The following CYP19A1 variants were observed in gnomAD, a reference collection of about 807,000 sequenced individuals.
CYP19A1 encodes aromatase.
CYP19A1 carries 32 observed loss-of-function variants against 44.4 expected under a neutral mutation model. The observed-to-expected ratio is 0.72, with a 90% CI of 0.54 to 0.97. CYP19A1 has a LOEUF of 0.97. Among genes scored for constraint, CYP19A1 ranks in the 50% least tolerant of loss-of-function variants. CYP19A1 has a pLI of 0.00. For synonymous variants in CYP19A1, 212 were observed against 215.6 expected (o/e 0.98, Z 0.14); for missense variants, 598 against 637.8 (o/e 0.94, Z 0.67).
At chr15:51,259,113 A>G (rs1255765014) in intron 1 of CYP19A1, among the ~76,000 whole-genome samples, 4 of 152,204 alleles carry the variant, frequency 2.6e-5, no homozygotes, top group Admixed American at 6.5e-5. Context: ...CATTCAGGAT[A>G]TGATACGTCA....
At chr15:51,260,269 T>C (rs1323151906) in intron 1 of CYP19A1, among the ~76,000 whole-genome samples, 1 of 152,188 alleles carries the variant, frequency 6.6e-6, no homozygotes, top group African/African-American at 2.4e-5. Flanking sequence ...CTTAGTGATG[T>C]TGGGAAATTT....
intron 1 of CYP19A1, among the ~76,000 whole-genome samples, chr15:51,259,559 G>A (rs1027605202): frequency 6.6e-6 from 1 of 152,192 alleles, no homozygotes. Context: ...GAAGGGTCAG[G>A]GGAAGGGAGG....
chr15:51,274,405 G>A lies in CYP19A1; in HGVS notation c.-38-31455C>T, dbSNP rs569189599. 8.9e-4 allele frequency among the ~76,000 whole-genome samples: 136 copies of A among 152,334 alleles called. 1 individual carries two copies. Among genetic ancestry groups the A allele is most frequent in the African/African-American group, 3.2e-3 (131 of 41,580 alleles). Reference sequence around the variant, plus strand: ...CCTGAGTGGGGAGGGAATGGAAAAAGAAATGGGAGGTTGCCTCTTATGCCT... The same window carrying A: ...CCTGAGTGGGGAGGGAATGGAAAAAAAAATGGGAGGTTGCCTCTTATGCCT... On this transcript the variant is annotated intron_variant, in intron 1 of 9. Coordinates refer to ENST00000396402, the MANE Select transcript of CYP19A1 (RefSeq NM_000103.4).
At chr15:51,317,400 C>T (rs796202615) in intron 1 of CYP19A1, among the ~76,000 whole-genome samples, 3 of 152,130 alleles carry the variant, frequency 2.0e-5, no homozygotes, top group Admixed American at 6.5e-5. Flanking sequence ...TGAGCCACTG[C>T]GCCCGGCAAG....
intron 1 of CYP19A1, among the ~76,000 whole-genome samples, chr15:51,319,705 C>T (rs1032050547): frequency 6.6e-6 from 1 of 152,202 alleles, no homozygotes; most frequent in Admixed American, 6.5e-5. Context: ...GAAGAATAAG[C>T]AGTTAATGGG....
At chr15:51,236,752 T>C in intron 3 of CYP19A1, 107 bp downstream of exon 3, 1 of 1,357,624 alleles carries the variant, frequency 7.4e-7, no homozygotes, top group Admixed American at 1.7e-5. Context: ...GTGGTAAAAA[T>C]ATAGCGTTAG....
At chr15:51,278,607 G>A (rs745854288) in intron 1 of CYP19A1, among the ~76,000 whole-genome samples, 1 of 152,188 alleles carries the variant, frequency 6.6e-6, no homozygotes, top group Non-Finnish European at 1.5e-5. Context: ...AATGTATGTC[G>A]GAAATCCGAA....
At chr15:51,317,283 G>A (rs1314662483) in intron 1 of CYP19A1, among the ~76,000 whole-genome samples, 2 of 151,840 alleles carry the variant, frequency 1.3e-5, no homozygotes, top group Non-Finnish European at 2.9e-5. Context: ...TATTTTTTTT[G>A]TATTTTTAGT....
intron 1 of CYP19A1, among the ~76,000 whole-genome samples, chr15:51,321,384 G>A (rs1056877082): frequency 6.6e-6 from 1 of 152,020 alleles, no homozygotes; most frequent in African/African-American, 2.4e-5. Flanking sequence ...TGCTCCCTCT[G>A]CCACAATCCA....
At chr15:51,334,495 C>CTTTGCAGTATTAACTTACTTCTGTGGAT (rs1384378176) in intron 1 of CYP19A1, among the ~76,000 whole-genome samples, 6 of 152,218 alleles carry the variant, frequency 3.9e-5, no homozygotes, top group Non-Finnish European at 4.4e-5. Context: ...ATAAGTGGAG[C>CTTTGCAGTATTAACTTACTTCTGTGGAT]TTTGCAGTAT....
At chr15:51,265,679 C>G (rs2034891188) in intron 1 of CYP19A1, among the ~76,000 whole-genome samples, 1 of 152,162 alleles carries the variant, frequency 6.6e-6, no homozygotes, top group Admixed American at 6.5e-5. Flanking sequence ...TTTTGGATAT[C>G]TTAAAGTCCA....
intron 1 of CYP19A1, among the ~76,000 whole-genome samples, chr15:51,304,424 T>G (rs1302714529): frequency 6.6e-6 from 1 of 152,220 alleles, no homozygotes; most frequent in Non-Finnish European, 1.5e-5. Flanking sequence ...AGCTAATACA[T>G]GCTGTAAAGT....
At chr15:51,264,380 G>C (rs1048057116) in intron 1 of CYP19A1, among the ~76,000 whole-genome samples, 2 of 152,140 alleles carry the variant, frequency 1.3e-5, no homozygotes, top group Admixed American at 6.5e-5. Flanking sequence ...GCAGGAGTCG[G>C]GGGGGAGGGT....
At chr15:51,211,252 G>A (rs1002437932) in intron 9 of CYP19A1, among the ~76,000 whole-genome samples, 196 bp from the exon 10 acceptor site, 1 of 152,180 alleles carries the variant, frequency 6.6e-6, no homozygotes, top group African/African-American at 2.4e-5. Flanking sequence ...CCTGTGTTCT[G>A]ACCCAACCTC....
intron 1 of CYP19A1, among the ~76,000 whole-genome samples, chr15:51,329,744 C>G (rs1273893356): frequency 2.0e-5 from 3 of 152,238 alleles, no homozygotes; most frequent in African/African-American, 7.2e-5. Flanking sequence ...CACTTTCACT[C>G]ATTCAAAAAT....
chr15:51,277,956 T>TTTG (rs1168746972), intron 1 of CYP19A1: 18 of 138,456 alleles, frequency 1.3e-4, no homozygotes, highest in African/African-American at 5.6e-4. Context: ...TTGCATGAGT[T>TTTG]TTTTTTTTTT....
At chr15:51,323,853 T>G (rs57903227) in intron 1 of CYP19A1, 1 of 152,050 alleles carries the variant, frequency 6.6e-6, no homozygotes, top group Non-Finnish European at 1.5e-5. Flanking sequence ...GTGTGCGGAT[T>G]TTTCCCCCCA....
At chr15:51,296,849 CA>C (rs1273847015) in intron 1 of CYP19A1, among the ~76,000 whole-genome samples, 5 of 152,248 alleles carry the variant, frequency 3.3e-5, no homozygotes, top group East Asian at 3.9e-4. Context: ...CTAATGTTTA[CA>C]GACCTTTACA....
chr15:51,257,981 C>A (rs2034576801), intron 1 of CYP19A1, among the ~76,000 whole-genome samples: 2 of 152,178 alleles, frequency 1.3e-5, no homozygotes, highest in African/African-American at 4.8e-5. Context: ...TTCTAAGCAC[C>A]TTTTAGCCAA....
Sources: allele counts gnomAD v4.1 joint callset (sites outside exome capture counted in the v4.1 genomes callset), GRCh38; gene constraint gnomAD v4.1.1; transcripts MANE v1.5; gene names NCBI Gene and HGNC (gene_info 2026-07-23, HGNC 2026-07-21).